Variants in EXOSC10 observed in about 807,000 individuals in gnomAD.
EXOSC10 encodes exosome component 10, also known as exosome complex component 10.
In EXOSC10, 94 loss-of-function variants were observed where a neutral mutation model predicts 126.6. That is an observed-to-expected ratio of 0.74 (90% CI 0.63 to 0.88). EXOSC10 has a LOEUF of 0.88. Among genes scored for constraint, EXOSC10 ranks in the 40% least tolerant of loss-of-function variants. The pLI, the probability that EXOSC10 is intolerant of heterozygous loss-of-function variation, is 0.00. For synonymous variants in EXOSC10, 395 were observed against 400.8 expected (o/e 0.99, Z 0.17); for missense variants, 1,041 against 1,100.5 (o/e 0.95, Z 0.77).
chr1:11,080,374 T>C, intron 13 of EXOSC10, 125 bp downstream of exon 13: 1 of 1,221,502 alleles, frequency 8.2e-7, no homozygotes, highest in Admixed American at 2.0e-5. Context: ...CTTGCTACCT[T>C]CCAAGCTTGG....
Position 11,079,812 on chromosome 1 carries a change from C to T in EXOSC10, c.1648G>A (p.Gly550Ser). 1.2e-6 allele frequency: 2 copies of T among 1,611,308 alleles called. No individual in the cohort carries two copies. The highest frequency in any genetic ancestry group is 1.7e-6 in the Non-Finnish European group (2 of 1,178,700). Reference protein sequence around the residue: ...IAEELPKEPQGIIACCNPVPP... With the variant: ...IAEELPKEPQSIIACCNPVPP... ...ACTGGGTTGCAGCAAGCTATGATGC[C>T]CTGAGGTTCCCTGAAGACAAGTAAG... Residue 550 changes from glycine to serine, a missense_variant, in exon 14 of 25, where the codon GGC (glycine) becomes AGC (serine). Transcript: ENST00000376936.
At chr1:11,073,521 G>A (rs1478854388) in intron 19 of EXOSC10, among the ~76,000 whole-genome samples, 1 of 152,058 alleles carries the variant, frequency 6.6e-6, no homozygotes, top group African/African-American at 2.4e-5. Context: ...CATTTTCACG[G>A]GATTCACAGA....
At chr1:11,087,763 A>T in intron 8 of EXOSC10, 37 bp downstream of exon 8, 1 of 1,552,720 alleles carries the variant, frequency 6.4e-7, no homozygotes, top group Non-Finnish European at 8.8e-7. Context: ...CTCACAGAAA[A>T]ATGTAAAAAT....
Position 11,070,826 on chromosome 1 carries a change from A to C in EXOSC10, c.2316+74T>G, listed in dbSNP as rs1570787713. 4 of 1,334,752 alleles carry C rather than the reference A, an allele frequency of 3.0e-6. No homozygotes were observed. The South Asian group carries it at 5.1e-5, about 17-fold the overall frequency. 82.7% of individuals were successfully genotyped at this position (1,334,752 alleles called of 1,614,324 possible). ...TAAAGCACAGGGCAAGCCCCCTAAG[A>C]TATCCAAGGAAGATCCTGACCACAA... On this transcript the variant is annotated intron_variant, in intron 21 of 24. Coordinates refer to ENST00000376936, the MANE Select transcript of EXOSC10 (RefSeq NM_001001998.3).
intron 24 of EXOSC10, among the ~76,000 whole-genome samples, chr1:11,067,526 CCCAG>C (rs1333424801): frequency 6.6e-6 from 1 of 151,666 alleles, no homozygotes; most frequent in Non-Finnish European, 1.5e-5. Context: ...CTTGCTTGAA[CCCAG>C]GAGGTGGAGG....
In EXOSC10 at chr1:11,083,317, C is replaced by A. The variant is rs190082125; in HGVS notation, c.1090-439G>T. Among the ~76,000 whole-genome samples the A allele has an allele frequency of 1.8e-3, 268 of 152,190 alleles. 2 individuals are homozygous for A. The highest frequency in any genetic ancestry group is 6.3e-3 in the African/African-American group (263 of 41,522). On this transcript the variant is annotated intron_variant, in intron 9 of 24. Transcript: ENST00000376936. ...TGGTGGATCACGCCTGTAATCCCAGCACTTTGGGCCAAGGTGGGTGGATTG... is the reference window on the plus strand; with the variant it reads ...TGGTGGATCACGCCTGTAATCCCAGAACTTTGGGCCAAGGTGGGTGGATTG...
chr1:11,075,211 G>T (rs1367150206), intron 17 of EXOSC10, among the ~76,000 whole-genome samples: 1 of 151,894 alleles, frequency 6.6e-6, no homozygotes, highest in African/African-American at 2.4e-5. Flanking sequence ...TAAAGACAGG[G>T]TTTCACCATG....
At chr1:11,066,973 C>T (rs1194148573) in intron 24 of EXOSC10, among the ~76,000 whole-genome samples, 4 of 152,164 alleles carry the variant, frequency 2.6e-5, no homozygotes, top group Admixed American at 1.3e-4. Flanking sequence ...ACCTCAGGGT[C>T]GGCTTAATTA....
intron 5 of EXOSC10, 64 bp from the exon 6 acceptor site, chr1:11,090,732 G>C (rs1384901280): frequency 1.6e-6 from 2 of 1,240,254 alleles, no homozygotes; most frequent in African/African-American, 3.1e-5. Flanking sequence ...ATTACACAGG[G>C]GTAAACTGGT....
intron 21 of EXOSC10, among the ~76,000 whole-genome samples, chr1:11,069,965 G>A (rs1228998845): frequency 6.6e-6 from 1 of 152,176 alleles, no homozygotes; most frequent in Non-Finnish European, 1.5e-5. Flanking sequence ...GCCAGGTGCA[G>A]TGGCTCATGC....
At position 11,097,209 on chromosome 1, in the gene EXOSC10, T is replaced by TC. The variant is rs543467130; in HGVS notation, c.248+810dup. Among the ~76,000 whole-genome samples, 21 of 138,612 alleles carry TC rather than the reference T, an allele frequency of 1.5e-4. 1 individual carries two copies. The South Asian group carries it at 4.6e-3, about 30-fold the overall frequency. The allele number at this position is 138,612 out of a possible 152,430, so 90.9% of individuals were successfully genotyped here. On this transcript the variant is annotated intron_variant, in intron 2 of 24. Transcript: ENST00000376936. ...TGGGCGACAGAGCAAGACTCCGTAC[T>TC]CCCCCCCAACAAAAAAAAAAAAGCT...
rs1164368399 is a variant in EXOSC10 at position 11,086,149 on chromosome 1, G to A, written c.1089+1299C>T. On this transcript the variant is annotated intron_variant, in intron 9 of 24. Coordinates refer to ENST00000376936, the MANE Select transcript of EXOSC10 (RefSeq NM_001001998.3). ...TGCTGGCCTCATAAAATGAGTTAGG[G>A]AGGATTCCCTCTTTTTCTATTGATT... 3.3e-5 allele frequency among the ~76,000 whole-genome samples: 5 copies of A among 151,350 alleles called. No individual in the cohort carries two copies. In the South Asian group the frequency reaches 6.3e-4, roughly 19 times the overall value.
rs558146924 is a variant in EXOSC10, at chr1:11,097,377, C to CA, written c.248+642dup. On this transcript the variant is annotated intron_variant, in intron 2 of 24. Coordinates refer to ENST00000376936, the MANE Select transcript of EXOSC10 (RefSeq NM_001001998.3). Reference sequence around the variant, plus strand: ...TGGGTGATGGAGCGAGACTCCATCTCAAAAAAAATAAAAATAAAAATAAAA... The same window carrying CA: ...TGGGTGATGGAGCGAGACTCCATCTCAAAAAAAAATAAAAATAAAAATAAAA... Among the ~76,000 whole-genome samples, 345 of 147,084 alleles carry CA rather than the reference C, an allele frequency of 2.3e-3. 2 individuals are homozygous for CA. Among genetic ancestry groups the CA allele is most frequent in the African/African-American group, 8.5e-3 (323 of 38,128 alleles).
At chr1:11,093,911 T>C (rs1376686294) in intron 3 of EXOSC10, among the ~76,000 whole-genome samples, 4 of 151,860 alleles carry the variant, frequency 2.6e-5, no homozygotes, top group Non-Finnish European at 4.4e-5. Context: ...AGACATTGTC[T>C]CTATAAAATA....
intron 6 of EXOSC10, 44 bp from the exon 7 acceptor site, chr1:11,088,242 A>G: frequency 2.1e-6 from 3 of 1,454,430 alleles, no homozygotes; most frequent in African/African-American, 1.4e-5. Context: ...GATTAATTCC[A>G]TGATTCAAGG....
intron 10 of EXOSC10, among the ~76,000 whole-genome samples, chr1:11,082,086 A>G (rs982302161): frequency 1.3e-5 from 2 of 151,748 alleles, no homozygotes; most frequent in African/African-American, 4.8e-5. Context: ...TCTCAAAAAA[A>G]AAAAAAGAAA....
At chr1:11,084,949 GTTA>G (rs1640409287) in intron 9 of EXOSC10, among the ~76,000 whole-genome samples, 1 of 152,054 alleles carries the variant, frequency 6.6e-6, no homozygotes, top group African/African-American at 2.4e-5. Flanking sequence ...GATATATGGC[GTTA>G]TTTCTGAGGG....
intron 13 of EXOSC10, 54 bp downstream of exon 13, chr1:11,080,445 G>T (rs1033221712): frequency 4.0e-5 from 64 of 1,600,232 alleles, no homozygotes; most frequent in Non-Finnish European, 5.1e-5. Flanking sequence ...TGATTTTGAA[G>T]AACATCAGAT....
At chr1:11,074,106 G>A (rs1039820852) in intron 18 of EXOSC10, 98 bp from the exon 19 acceptor site, 10 of 1,395,244 alleles carry the variant, frequency 7.2e-6, no homozygotes, top group Non-Finnish European at 9.2e-6. Context: ...TGCCTTGTCA[G>A]CGTCTTTGCC....
Sources: gnomAD v4.1 joint callset for allele counts (sites outside exome capture counted in the v4.1 genomes callset) on GRCh38, gnomAD v4.1.1 for gene constraint, MANE v1.5 for transcripts, NCBI Gene and HGNC (gene_info 2026-07-23, HGNC 2026-07-21) for gene names.